The following AMMECR1 variants were observed in gnomAD, a reference collection of about 807,000 sequenced individuals.
AMMECR1 encodes AMMECR nuclear protein 1.
Under a neutral mutation model 22.5 loss-of-function variants are expected in AMMECR1, and 3 were observed. That is an observed-to-expected ratio of 0.13 (90% CI 0.06 to 0.35). AMMECR1 has a LOEUF of 0.35. AMMECR1 is among the 10% of genes least tolerant of loss of function. AMMECR1 has a pLI of 1.00. For missense variants in AMMECR1, 235 were observed against 278.7 expected (o/e 0.84, Z 1.12); for synonymous variants, 130 against 116.7 (o/e 1.11, Z -0.74).
rs775481785 is a variant in AMMECR1 at position 110,318,019 on chromosome X, G to T, written c.53C>A (p.Pro18His). 12 of 1,204,681 alleles carry T rather than the reference G, an allele frequency of 1.0e-5. No homozygotes were observed. The highest frequency in any genetic ancestry group is 3.5e-5 in the African/African-American group (2 of 57,044). Residue 18 changes from proline to histidine, a missense_variant, in exon 1 of 6, where the codon CCC becomes CAC. Transcript: ENST00000262844. ...GCCACCACCGCCACCCGAGCCAGAG[G>T]GGGGCGAACTGGACAGTTTCTGCTT... ...VKKQKLSSSP[P>H]SGSGGGGGAS...
At chrX:110,341,503 A>G (rs2068164002) in intron 2 of AMMECR1, among the ~76,000 whole-genome samples, 1 of 112,191 alleles carries the variant, frequency 8.9e-6, no homozygotes, top group African/African-American at 3.2e-5. Context: ...TAAATTATGG[A>G]CGATTTTAAG....
At chrX:110,397,488 G>T (rs2068535480) in intron 2 of AMMECR1, among the ~76,000 whole-genome samples, 1 of 110,161 alleles carries the variant, frequency 9.1e-6, no homozygotes, top group Non-Finnish European at 1.9e-5. Context: ...CTAGAGATTA[G>T]TCACAGCAGG....
intron 1 of AMMECR1, among the ~76,000 whole-genome samples, chrX:110,277,834 A>G (rs1318063684): frequency 1.8e-5 from 2 of 111,792 alleles, no homozygotes; most frequent in East Asian, 5.6e-4. Flanking sequence ...TACCAGTCAC[A>G]CTGATATTTC....
At chrX:110,278,983 A>G (rs1248947737) in intron 1 of AMMECR1, among the ~76,000 whole-genome samples, 2 of 112,014 alleles carry the variant, frequency 1.8e-5, no homozygotes, top group Non-Finnish European at 3.8e-5. Flanking sequence ...GTATAAATAA[A>G]CTTCATACTC....
intron 3 of AMMECR1, among the ~76,000 whole-genome samples, chrX:110,209,511 G>A (rs780831011): frequency 8.9e-6 from 1 of 112,031 alleles, no homozygotes; most frequent in South Asian, 3.7e-4. Context: ...AATTCTTTTT[G>A]TGAACAGGAA....
chrX:110,353,076 G>A (rs918370064), intron 2 of AMMECR1, among the ~76,000 whole-genome samples: 2 of 111,845 alleles, frequency 1.8e-5, no homozygotes, highest in Non-Finnish European at 3.8e-5. Context: ...TTATCCACTC[G>A]TTTTAGGTTA....
chrX:110,406,740 C>T (rs1161088066), intron 2 of AMMECR1, among the ~76,000 whole-genome samples: 3 of 112,160 alleles, frequency 2.7e-5, no homozygotes, highest in Non-Finnish European at 5.6e-5. Flanking sequence ...AAGCATTCCT[C>T]TTTTTGGTTC....
chrX:110,333,291 C>A (rs1487900017), intron 2 of AMMECR1, among the ~76,000 whole-genome samples: 1 of 111,197 alleles, frequency 9.0e-6, no homozygotes, highest in Non-Finnish European at 1.9e-5. Context: ...ACATTTTTTG[C>A]CAGTTGTTAG....
intron 1 of AMMECR1, among the ~76,000 whole-genome samples, chrX:110,270,709 AG>A (rs1209709640): frequency 8.9e-6 from 1 of 111,900 alleles, no homozygotes; most frequent in Non-Finnish European, 1.9e-5. Context: ...CCAATTTATA[AG>A]TTTCTACATT....
At chrX:110,318,531 C>T (rs967393731), upstream of AMMECR1, among the ~76,000 whole-genome samples, 1 of 110,582 alleles carries the variant, frequency 9.0e-6, no homozygotes, top group Middle Eastern at 4.6e-3. Context: ...AAGTAAGCAT[C>T]CAGGTCCCAA....
chrX:110,217,502 T>C (rs765048165), intron 2 of AMMECR1, among the ~76,000 whole-genome samples: 1 of 88,564 alleles, frequency 1.1e-5, no homozygotes, highest in African/African-American at 4.0e-5. Context: ...GAATAGAAAA[T>C]ACACACACAC....
intron 2 of AMMECR1, chrX:110,224,887 C>G: frequency 3.3e-6 from 1 of 299,132 alleles, no homozygotes; most frequent in East Asian, 9.9e-5. Context: ...TGAGAGATTC[C>G]ATAGGCAGCA....
At chrX:110,249,892 C>T (rs747275944) in intron 2 of AMMECR1, among the ~76,000 whole-genome samples, 1 of 108,681 alleles carries the variant, frequency 9.2e-6, no homozygotes, top group East Asian at 2.9e-4. Flanking sequence ...GAGCGAGACT[C>T]GGAAAGAAAG....
intron 3 of AMMECR1, among the ~76,000 whole-genome samples, chrX:110,212,875 A>T (rs770004350): frequency 1.8e-5 from 2 of 112,151 alleles, no homozygotes; most frequent in South Asian, 7.4e-4. Flanking sequence ...ACAAAGACAG[A>T]TAAAGAATGG....
intron 2 of AMMECR1, among the ~76,000 whole-genome samples, chrX:110,360,201 T>G (rs1052686129): frequency 4.5e-5 from 5 of 111,207 alleles, no homozygotes; most frequent in Non-Finnish European, 9.4e-5. Context: ...GTGGTCATGG[T>G]GGGTCTAAAG....
chrX:110,328,439 T>C (rs1185411755), intron 2 of AMMECR1, among the ~76,000 whole-genome samples: 2 of 60,769 alleles, frequency 3.3e-5, no homozygotes, highest in Admixed American at 1.6e-4. Context: ...TCTTTTTCTC[T>C]TTTTTTTTTT....
intron 2 of AMMECR1, among the ~76,000 whole-genome samples, chrX:110,418,634 C>T (rs1010779822): frequency 1.8e-5 from 2 of 111,653 alleles, no homozygotes; most frequent in South Asian, 3.8e-4. Context: ...CAAACTGCCA[C>T]GGTCTCCAAC....
chrX:110,334,365 C>A (rs1024573856), intron 2 of AMMECR1, among the ~76,000 whole-genome samples: 8 of 111,850 alleles, frequency 7.2e-5, no homozygotes, highest in Non-Finnish European at 1.5e-4. Flanking sequence ...AAAGATAACA[C>A]CTTCCCTCTA....
chrX:110,211,977 C>A (rs1019081138), intron 3 of AMMECR1, among the ~76,000 whole-genome samples: 6 of 111,807 alleles, frequency 5.4e-5, no homozygotes, highest in Non-Finnish European at 1.1e-4. Flanking sequence ...CATATGGAAG[C>A]ATTATTGATT....
Sources: gnomAD v4.1 joint callset for allele counts (sites outside exome capture counted in the v4.1 genomes callset) on GRCh38, gnomAD v4.1.1 for gene constraint, MANE v1.5 for transcripts, NCBI Gene and HGNC (gene_info 2026-07-23, HGNC 2026-07-21) for gene names.